Variants in NALF1 observed in about 807,000 individuals in gnomAD.
The protein encoded by NALF1 is family with sequence similarity 155 member A.
In NALF1, 3 loss-of-function variants were observed where a neutral mutation model predicts 48.4. That is an observed-to-expected ratio of 0.06 (90% CI 0.03 to 0.16). NALF1 has a LOEUF of 0.16. NALF1 is among the 10% of genes least tolerant of loss of function. The probability of loss-of-function intolerance (pLI) is 1.00; values close to 1 mark genes in which losing one functional copy is unlikely to be tolerated. For synonymous variants in NALF1, 262 were observed against 245.7 expected (o/e 1.07, Z -0.62); for missense variants, 526 against 571.5 (o/e 0.92, Z 0.81).
At chr13:107,854,698 C>A (rs1880399233) in intron 1 of NALF1, among the ~76,000 whole-genome samples, 1 of 151,954 alleles carries the variant, frequency 6.6e-6, no homozygotes, top group African/African-American at 2.4e-5. Flanking sequence ...TGGCAAAACA[C>A]CGTCTCTACT....
chr13:107,488,602 T>G (rs1885367278), intron 1 of NALF1, among the ~76,000 whole-genome samples: 1 of 152,138 alleles, frequency 6.6e-6, no homozygotes, highest in African/African-American at 2.4e-5. Flanking sequence ...CTTGATAAAC[T>G]ACATATTGAA....
At chr13:107,195,256 T>C (rs757982386) in intron 2 of NALF1, among the ~76,000 whole-genome samples, 1 of 152,154 alleles carries the variant, frequency 6.6e-6, no homozygotes, top group South Asian at 2.1e-4. Flanking sequence ...AAAACCCACA[T>C]GTACCCTAAA....
At chr13:107,266,363 T>C (rs1881038087) in intron 1 of NALF1, among the ~76,000 whole-genome samples, 1 of 152,364 alleles carries the variant, frequency 6.6e-6, no homozygotes, top group East Asian at 1.9e-4. Context: ...AGGTTGTTCA[T>C]CACAGGTTGA....
At chr13:107,832,057 T>G (rs1879749602) in intron 1 of NALF1, among the ~76,000 whole-genome samples, 1 of 152,128 alleles carries the variant, frequency 6.6e-6, no homozygotes, top group Non-Finnish European at 1.5e-5. Context: ...GAACTACACA[T>G]TTTGTGATTA....
At chr13:107,239,633 T>C (rs1880426862) in intron 1 of NALF1, among the ~76,000 whole-genome samples, 1 of 152,216 alleles carries the variant, frequency 6.6e-6, no homozygotes, top group Non-Finnish European at 1.5e-5. Flanking sequence ...TAAGTTAGTG[T>C]TATTTATTGT....
chr13:107,278,192 T>C (rs914419233), intron 1 of NALF1, among the ~76,000 whole-genome samples: 4 of 152,214 alleles, frequency 2.6e-5, no homozygotes, highest in Admixed American at 2.0e-4. Context: ...AGTCTATCAT[T>C]GGCTGGATTG....
At chr13:107,550,022 C>G (rs1191317465) in intron 1 of NALF1, among the ~76,000 whole-genome samples, 4 of 152,068 alleles carry the variant, frequency 2.6e-5, no homozygotes, top group South Asian at 2.1e-4. Context: ...TTGCATTTGT[C>G]TGATGTTTCT....
chr13:107,713,510 A>G (rs1875663103), intron 1 of NALF1, among the ~76,000 whole-genome samples: 1 of 152,240 alleles, frequency 6.6e-6, no homozygotes, highest in South Asian at 2.1e-4. Context: ...GGACACTGTC[A>G]TTATCTACAT....
chr13:107,310,332 C>G (rs1210464060), intron 1 of NALF1, among the ~76,000 whole-genome samples: 1 of 151,208 alleles, frequency 6.6e-6, no homozygotes, highest in Non-Finnish European at 1.5e-5. Flanking sequence ...ATCACTTGAA[C>G]TCGGCAAGCA....
chr13:107,601,915 T>C (rs77173131), intron 1 of NALF1, among the ~76,000 whole-genome samples: 3,554 of 152,250 alleles, frequency 0.023, 120 homozygotes, highest in African/African-American at 0.079. Context: ...TCCTTCCTTT[T>C]CCTTCTATTT....
At chr13:107,793,281 G>A (rs532202963) in intron 1 of NALF1, among the ~76,000 whole-genome samples, 56 of 152,226 alleles carry the variant, frequency 3.7e-4, no homozygotes, top group African/African-American at 1.3e-3. Context: ...AGAAGAAATA[G>A]TTATCCGTGA....
intron 1 of NALF1, among the ~76,000 whole-genome samples, chr13:107,252,028 A>C (rs979269587): frequency 3.9e-5 from 6 of 152,088 alleles, no homozygotes; most frequent in African/African-American, 1.4e-4. Context: ...CAGCATGCAG[A>C]GGGGGACTCT....
intron 1 of NALF1, among the ~76,000 whole-genome samples, chr13:107,410,471 G>T (rs1258446885): frequency 6.6e-6 from 1 of 152,128 alleles, no homozygotes; most frequent in Non-Finnish European, 1.5e-5. Flanking sequence ...TTCCTATGTG[G>T]TTATTTATGC....
chr13:107,730,316 T>C (rs978610394), intron 1 of NALF1, among the ~76,000 whole-genome samples: 1 of 152,188 alleles, frequency 6.6e-6, no homozygotes, highest in Non-Finnish European at 1.5e-5. Context: ...CAATCAATAC[T>C]CTCCTGTCTA....
At chr13:107,618,959 G>A (rs953135679) in intron 1 of NALF1, among the ~76,000 whole-genome samples, 3 of 152,080 alleles carry the variant, frequency 2.0e-5, no homozygotes, top group Admixed American at 2.0e-4. Context: ...GCTACCTTAG[G>A]GGATCCTCAC....
intron 1 of NALF1, among the ~76,000 whole-genome samples, chr13:107,424,126 CT>C (rs1300076628): frequency 1.4e-3 from 215 of 152,178 alleles, no homozygotes; most frequent in African/African-American, 4.9e-3. Flanking sequence ...GAAGATACAG[CT>C]ATTTACTTGT....
At chr13:107,735,288 C>T (rs1876434491) in intron 1 of NALF1, among the ~76,000 whole-genome samples, 2 of 152,150 alleles carry the variant, frequency 1.3e-5, no homozygotes, top group Admixed American at 6.6e-5. Flanking sequence ...AAGCCAATAG[C>T]CTCTGTGACA....
intron 1 of NALF1, among the ~76,000 whole-genome samples, chr13:107,292,945 T>G (rs1285289873): frequency 6.6e-6 from 1 of 151,648 alleles, no homozygotes; most frequent in Non-Finnish European, 1.5e-5. Context: ...GGCTAAGACG[T>G]CACTAGGCAA....
At chr13:107,718,190 A>G (rs1443003260) in intron 1 of NALF1, among the ~76,000 whole-genome samples, 1 of 152,158 alleles carries the variant, frequency 6.6e-6, no homozygotes, top group Non-Finnish European at 1.5e-5. Flanking sequence ...CCCACTCTAG[A>G]TTTCTGACCT....
Sources: gnomAD v4.1 joint callset for allele counts (sites outside exome capture counted in the v4.1 genomes callset) on GRCh38, gnomAD v4.1.1 for gene constraint, MANE v1.5 for transcripts, NCBI Gene and HGNC (gene_info 2026-07-23, HGNC 2026-07-21) for gene names.